Variants in ALDH2 observed in about 807,000 individuals in gnomAD.
ALDH2 encodes aldehyde dehydrogenase, mitochondrial.
In ALDH2, 44 loss-of-function variants were observed where a neutral mutation model predicts 59.6. The ratio of observed to expected loss-of-function variants is 0.74; its 90% CI spans 0.58 to 0.95. The LOEUF (loss-of-function observed/expected upper bound fraction) is 0.95, where lower values mean the gene tolerates loss of function less well. Among genes scored for constraint, ALDH2 ranks in the 40% least tolerant of loss-of-function variants. The pLI is 0.00. For synonymous variants in ALDH2, 291 were observed against 284.0 expected (o/e 1.02, Z -0.25); for missense variants, 570 against 696.3 (o/e 0.82, Z 2.04).
At chr12:111,787,267 G>C (rs997161006) in intron 4 of ALDH2, among the ~76,000 whole-genome samples, 2 of 152,092 alleles carry the variant, frequency 1.3e-5, no homozygotes, top group African/African-American at 4.8e-5. Context: ...GAGTCAAGAG[G>C]TCTCTAATGC....
intron 10 of ALDH2, among the ~76,000 whole-genome samples, chr12:111,799,456 C>T (rs1182143509): frequency 1.3e-5 from 2 of 151,612 alleles, no homozygotes; most frequent in African/African-American, 4.9e-5. Context: ...TGTGAGCCAT[C>T]GTGCCTGGCC....
At chr12:111,790,003 G>T in intron 5 of ALDH2, 69 bp downstream of exon 5, 2 of 1,485,556 alleles carry the variant, frequency 1.3e-6, no homozygotes, top group Non-Finnish European at 1.9e-6. Flanking sequence ...ACTCATTGCA[G>T]AGGTTCTGGG....
chr12:111,786,615 A>G (rs2068311735), intron 4 of ALDH2, among the ~76,000 whole-genome samples: 1 of 151,680 alleles, frequency 6.6e-6, no homozygotes, highest in Admixed American at 6.6e-5. Context: ...GCACAATCAT[A>G]GTTCACTGCA....
chr12:111,785,787 G>A (rs1473437116), intron 4 of ALDH2, among the ~76,000 whole-genome samples: 1 of 152,114 alleles, frequency 6.6e-6, no homozygotes, highest in Admixed American at 6.6e-5. Flanking sequence ...GTCAGAGAAG[G>A]CTACTCTATT....
intron 11 of ALDH2, 84 bp from the exon 12 acceptor site, chr12:111,803,775 A>C (rs1426580593): frequency 1.1e-6 from 1 of 874,366 alleles, no homozygotes; most frequent in African/African-American, 1.8e-5. Flanking sequence ...AATAAAATAA[A>C]GACTTTGGGG....
Position 111,800,071 on chromosome 12 carries a change from C to G in ALDH2, c.1406+8C>G. 6.2e-7 allele frequency: 1 copy of G among 1,607,654 alleles called. No individual in the cohort carries two copies. The highest frequency in any genetic ancestry group is 8.5e-7 in the Non-Finnish European group (1 of 1,177,216). ...CCAGGCGGGCACTGTGTGGTAAGAG[C>G]CTCCCAGCAGCCCCTCACAACCCAA... is the stretch of plus-strand genomic sequence containing the variant. On this transcript the variant is annotated splice_region_variant and intron_variant, in intron 11 of 12. Coordinates refer to ENST00000261733, the MANE Select transcript of ALDH2 (RefSeq NM_000690.4).
intron 10 of ALDH2, among the ~76,000 whole-genome samples, chr12:111,799,172 T>A (rs2068428667): frequency 6.6e-6 from 1 of 151,264 alleles, no homozygotes; most frequent in Non-Finnish European, 1.5e-5. Context: ...TTATTTTTTC[T>A]CTTCTCGTTT....
At chr12:111,802,835 G>C (rs1404775602) in intron 11 of ALDH2, among the ~76,000 whole-genome samples, 1 of 142,524 alleles carries the variant, frequency 7.0e-6, no homozygotes, top group Non-Finnish European at 1.5e-5. Context: ...AGCCGAGATC[G>C]CACCACTGCA....
intron 1 of ALDH2, among the ~76,000 whole-genome samples, chr12:111,769,120 T>G (rs1223199871): frequency 6.6e-6 from 1 of 152,248 alleles, no homozygotes. Flanking sequence ...TAACACATCC[T>G]GTTCTCCAGA....
chr12:111,786,515 C>T (rs1011302916), intron 4 of ALDH2, among the ~76,000 whole-genome samples: 3 of 150,790 alleles, frequency 2.0e-5, no homozygotes, highest in African/African-American at 4.9e-5. Flanking sequence ...AGATTAGAGG[C>T]GTGAGCCACC....
chr12:111,799,085 G>A (rs534231552), intron 10 of ALDH2, among the ~76,000 whole-genome samples: 2 of 151,816 alleles, frequency 1.3e-5, no homozygotes, highest in South Asian at 2.1e-4. Context: ...GACTAGTCTC[G>A]AACTCCTGAC....
At position 111,817,247 on chromosome 12, in the gene ALDH2, C is replaced by T. The variant is rs1174561264; in HGVS notation, c.*7672C>T. The T allele has an allele frequency of 1.3e-5, 2 of 152,176 alleles. No individual in the cohort carries two copies. The highest frequency in any genetic ancestry group is 2.9e-5 in the Non-Finnish European group (2 of 68,036). 9.4% of individuals were successfully genotyped at this position (152,176 alleles called of 1,614,324 possible). A position where few individuals can be genotyped will look rare whatever the true frequency, so the allele number is the denominator to read the frequency against. Reference sequence around the variant, plus strand: ...CCAAGGAAACAATAGCAAAAATTATCATGCCTAAGGCTCTATGGGCACAAT... The same window carrying T: ...CCAAGGAAACAATAGCAAAAATTATTATGCCTAAGGCTCTATGGGCACAAT... On this transcript the variant is annotated 3_prime_UTR_variant, in exon 13 of 13. Coordinates refer to ENST00000261733, the MANE Select transcript of ALDH2 (RefSeq NM_000690.4).
chr12:111,807,551 G>A (rs2068506777), intron 12 of ALDH2, among the ~76,000 whole-genome samples: 1 of 152,162 alleles, frequency 6.6e-6, no homozygotes, highest in African/African-American at 2.4e-5. Context: ...TTAAGGAGGC[G>A]ATGTCCAGGA....
At chr12:111,787,061 C>T (rs948286787) in intron 4 of ALDH2, among the ~76,000 whole-genome samples, 2 of 151,958 alleles carry the variant, frequency 1.3e-5, no homozygotes, top group Admixed American at 1.3e-4. Flanking sequence ...AAAAATTAAC[C>T]AGGCAGTAGT....
chr12:111,785,337 A>C lies in ALDH2; in HGVS notation c.431A>C (p.Lys144Thr), dbSNP rs753520756. ...SYLVDLDMVL[K>T]CLRYYAGWAD... is the part of the protein sequence containing the mutation. The stretch of plus-strand genomic sequence containing the variant: ...CTGGTGGATTTGGACATGGTCCTCA[A>C]ATGTCTCCGGTATGGGCTCAGCTTT... Residue 144 changes from lysine (K) to threonine (T), a missense_variant, in exon 4 of 13, where the codon AAA becomes ACA. Transcript: ENST00000261733. 4.3e-6 allele frequency: 7 copies of C among 1,613,624 alleles called. No homozygotes were observed. Among genetic ancestry groups the C allele is most frequent in the South Asian group, 1.1e-5 (1 of 91,082 alleles).
chr12:111,777,361 G>T (rs992520592), intron 1 of ALDH2, among the ~76,000 whole-genome samples: 1 of 152,202 alleles, frequency 6.6e-6, no homozygotes, highest in Non-Finnish European at 1.5e-5. Flanking sequence ...TCCATGACAC[G>T]CAGAGGGCTG....
At chr12:111,792,479 G>C (rs1385877717) in intron 8 of ALDH2, 119 bp from the exon 9 acceptor site, 13 of 1,204,170 alleles carry the variant, frequency 1.1e-5, no homozygotes, top group Non-Finnish European at 1.5e-5. Context: ...TCTGTCTCTG[G>C]CACCCAGCAG....
chr12:111,804,746 CAAAAAA>C (rs76471972), intron 12 of ALDH2, among the ~76,000 whole-genome samples: 1 of 61,610 alleles, frequency 1.6e-5, no homozygotes, highest in Admixed American at 1.9e-4. Context: ...GACTCCGTCT[CAAAAAA>C]AAAAAAAAAA....
At chr12:111,785,989 A>G (rs1317482232) in intron 4 of ALDH2, among the ~76,000 whole-genome samples, 2 of 152,068 alleles carry the variant, frequency 1.3e-5, no homozygotes, top group Non-Finnish European at 1.5e-5. Flanking sequence ...TCTCTGTAAG[A>G]TCTGTAGTGT....
Sources: allele counts gnomAD v4.1 joint callset (sites outside exome capture counted in the v4.1 genomes callset), GRCh38; gene constraint gnomAD v4.1.1; transcripts MANE v1.5; gene names NCBI Gene and HGNC (gene_info 2026-07-23, HGNC 2026-07-21).